The following CD163 variants were observed in gnomAD, a reference collection of about 807,000 sequenced individuals.
CD163 encodes CD163 molecule, also known as scavenger receptor cysteine-rich type 1 protein M130.
A neutral mutation model predicts 129.2 loss-of-function variants in CD163; 64 were observed. That is an observed-to-expected ratio of 0.50 (90% CI 0.41 to 0.61). CD163 has a LOEUF of 0.61. CD163 is among the 20% of genes least tolerant of loss of function. CD163 has a pLI of 0.00. For synonymous variants in CD163, 446 were observed against 478.5 expected (o/e 0.93, Z 0.89); for missense variants, 1,061 against 1,377.9 (o/e 0.77, Z 3.64).
chr12:7,486,418 C>A, intron 10 of CD163, 81 bp downstream of exon 10: 1 of 1,353,622 alleles, frequency 7.4e-7, no homozygotes, highest in Non-Finnish European at 1.0e-6. Context: ...TCAGGAAAAT[C>A]TTTAAGATTA....
intron 1 of CD163, 57 bp from the exon 2 acceptor site, chr12:7,502,621 AG>A: frequency 1.1e-6 from 1 of 887,674 alleles, no homozygotes; most frequent in Non-Finnish European, 1.8e-6. Context: ...ACTTTGGAGA[AG>A]ATAGATGGTT....
At chr12:7,488,121 T>C (rs1949282388) in intron 6 of CD163, 34 bp from the exon 7 acceptor site, 1 of 1,536,220 alleles carries the variant, frequency 6.5e-7, no homozygotes, top group African/African-American at 1.4e-5. Flanking sequence ...TGAGAGGTAA[T>C]ATGATTTCCA....
At chr12:7,482,555 T>C (rs1255016063) in intron 14 of CD163, 88 bp downstream of exon 14, 7 of 1,411,708 alleles carry the variant, frequency 5.0e-6, no homozygotes, top group Non-Finnish European at 6.8e-6. Flanking sequence ...TCCATCTTTC[T>C]GGCCATTAGA....
intron 10 of CD163, 67 bp downstream of exon 10, chr12:7,486,432 C>T: frequency 1.4e-6 from 2 of 1,394,996 alleles, no homozygotes; most frequent in South Asian, 1.3e-5. Context: ...AAGATTAATA[C>T]CCCTCACTAC....
At chr12:7,502,412 G>C (rs772977106) in intron 2 of CD163, 66 bp downstream of exon 2, 1 of 1,004,260 alleles carries the variant, frequency 1.0e-6, no homozygotes, top group African/African-American at 1.6e-5. Context: ...CAGAAAAATT[G>C]TTTGCCTTTT....
At chr12:7,475,288 A>C (rs1038649258) in intron 16 of CD163, among the ~76,000 whole-genome samples, 6 of 152,106 alleles carry the variant, frequency 3.9e-5, no homozygotes, top group Non-Finnish European at 8.8e-5. Context: ...ACAACAAAGA[A>C]AAGAAAATTC....
chr12:7,494,962 A>G, intron 6 of CD163, 119 bp downstream of exon 6: 1 of 749,312 alleles, frequency 1.3e-6, no homozygotes, highest in Non-Finnish European at 2.3e-6. Flanking sequence ...GAATTTGTGT[A>G]GATATTTCCT....
chr12:7,486,172 A>G (rs1197491776), intron 10 of CD163, among the ~76,000 whole-genome samples: 1 of 152,142 alleles, frequency 6.6e-6, no homozygotes, highest in Non-Finnish European at 1.5e-5. Flanking sequence ...CTACTTCTTT[A>G]CTAATACTGT....
At position 7,486,588 on chromosome 12, in the gene CD163, C is replaced by G; in HGVS notation, c.2369G>C (p.Gly790Ala). The G allele has an allele frequency of 1.2e-6, 2 of 1,614,232 alleles. No homozygotes were observed. Among genetic ancestry groups the G allele is most frequent in the Non-Finnish European group, 1.7e-6 (2 of 1,180,030 alleles). Residue 790 changes from glycine (G) to alanine (A), a missense_variant, in exon 10 of 17, where the codon GGA (glycine) becomes GCA (alanine). By Grantham distance (60) the Gly-to-Ala change is moderately conservative. Coordinates refer to ENST00000432237, the MANE Select transcript of CD163 (RefSeq NM_203416.4). The part of the protein sequence containing the change: ...PIWLDEMKCN[G>A]KESRIWQCHS... Reference sequence around the variant, plus strand: ...GCACTGCCAAATGCGGGATTCTTTTCCATTGCATTTCATCTCATCCAGCCA... The same window carrying G: ...GCACTGCCAAATGCGGGATTCTTTTGCATTGCATTTCATCTCATCCAGCCA...
Position 7,487,075 on chromosome 12 carries a change from T to C in CD163, c.2051-89A>G. ...TATATGGATGAGTTGAGGACAAACA[T>C]AGCTTAGAGAGAGAGGGGAAGGTGG... On this transcript the variant is annotated intron_variant, in intron 8 of 16. Transcript: ENST00000432237. This position sits in a 1 kb window ranked among gnomAD's most constrained non-coding sequence, Gnocchi z 5.1. 2 of 1,028,802 alleles carry C rather than the reference T, an allele frequency of 1.9e-6. No individual in the cohort carries two copies. Among genetic ancestry groups the C allele is most frequent in the Non-Finnish European group, 2.9e-6 (2 of 680,882 alleles). 63.7% of individuals were successfully genotyped at this position (1,028,802 alleles called of 1,614,324 possible).
At position 7,486,483 on chromosome 12, in the gene CD163, C is replaced by T. The variant is rs752016898; in HGVS notation, c.2458+16G>A. 1.9e-6 allele frequency: 3 copies of T among 1,605,652 alleles called. No individual in the cohort carries two copies. The highest frequency in any genetic ancestry group is 3.3e-5 in the Admixed American group (2 of 59,776). On this transcript the variant is annotated intron_variant, in intron 10 of 16. Transcript: ENST00000432237. The stretch of plus-strand genomic sequence containing the variant: ...TCTCTATGTAATTATGACCAAAGGT[C>T]ATATGCATAATTTACCTGAGCAGAT...
At position 7,487,586 on chromosome 12, in the gene CD163, C is replaced by T; in HGVS notation, c.1823G>A (p.Cys608Tyr). The T allele has an allele frequency of 6.2e-7, 1 of 1,614,132 alleles. No individual in the cohort carries two copies. The highest frequency in any genetic ancestry group is 8.5e-7 in the Non-Finnish European group (1 of 1,180,006). Reference protein sequence around the residue: ...LKTLGAWGSLCNSHWDIEDAH... With the variant: ...LKTLGAWGSLYNSHWDIEDAH... Reference sequence around the variant, plus strand: ...ATCTTCTATGTCCCAGTGAGAGTTACAGAGGGATCCCCAGGCACCAAGCGT... The same window carrying T: ...ATCTTCTATGTCCCAGTGAGAGTTATAGAGGGATCCCCAGGCACCAAGCGT... The change falls in exon 8 of 17, where the codon TGT (cysteine) becomes TAT (tyrosine). Residue 608 changes from cysteine to tyrosine, a missense_variant. Transcript: ENST00000432237. The surrounding 1 kb of genome is among the most constrained non-coding windows in gnomAD (Gnocchi z 5.1).
rs1949194990 is a variant in CD163 at position 7,483,623 on chromosome 12, G to T, written c.2832C>A (p.Ile944=). ...GPTSCSGRVE[I]WHGGSWGTVC... ...CTGTCCCCCAGGAACCTCCATGCCA[G>T]ATCTCCACACGTCCAGAACAGGAAG... Residue 944 remains isoleucine, a synonymous_variant, in exon 12 of 17, where the codon ATC becomes ATA. Coordinates refer to ENST00000432237, the MANE Select transcript of CD163 (RefSeq NM_203416.4). The T allele has an allele frequency of 1.2e-6, 2 of 1,613,566 alleles. No individual in the cohort carries two copies. Among genetic ancestry groups the T allele is most frequent in the African/African-American group, 2.7e-5 (2 of 74,784 alleles).
At chr12:7,483,731 T>C (rs1280404617) in intron 11 of CD163, 56 bp from the exon 12 acceptor site, 2 of 1,230,806 alleles carry the variant, frequency 1.6e-6, no homozygotes, top group Non-Finnish European at 2.2e-6. Flanking sequence ...TTTCCAGGAG[T>C]TCACAGGTGA....
chr12:7,494,224 A>T lies in CD163; in HGVS notation c.1420+857T>A, dbSNP rs143144849. Among the ~76,000 whole-genome samples the T allele has an allele frequency of 1.1e-4, 16 of 152,308 alleles. No homozygotes were observed. The East Asian group carries it at 2.9e-3, about 28-fold the overall frequency. ...TACACTTTTTTATTTTGAAGTTTAA[A>T]CCATGTGATTATATTGCCTGGTCCA... is the stretch of plus-strand genomic sequence containing the variant. On this transcript the variant is annotated intron_variant, in intron 6 of 16. Coordinates refer to ENST00000432237, the MANE Select transcript of CD163 (RefSeq NM_203416.4).
At chr12:7,475,097 C>CAAAAAAAA (rs58901449) in intron 16 of CD163, among the ~76,000 whole-genome samples, 1 of 94,018 alleles carries the variant, frequency 1.1e-5, no homozygotes, top group African/African-American at 4.5e-5. Context: ...GCCTACCAAC[C>CAAAAAAAA]AAAAAAAAAA....
intron 6 of CD163, among the ~76,000 whole-genome samples, chr12:7,489,639 TA>T (rs761527711): frequency 9.1e-4 from 138 of 152,208 alleles, no homozygotes; most frequent in Non-Finnish European, 1.4e-3. Flanking sequence ...TAGATAATAC[TA>T]AAAATAATAA....
intron 16 of CD163, among the ~76,000 whole-genome samples, chr12:7,478,891 T>C (rs1248565158): frequency 6.6e-6 from 1 of 152,124 alleles, no homozygotes; most frequent in African/African-American, 2.4e-5. Flanking sequence ...CAAATTATTA[T>C]TTTAAAAACA....
In CD163 at chr12:7,483,618, T is replaced by A. The variant is rs745473362; in HGVS notation, c.2837A>T (p.His946Leu). The A allele has an allele frequency of 9.3e-6, 15 of 1,613,262 alleles. No homozygotes were observed. In the Admixed American group the frequency reaches 1.3e-4, roughly 14 times the overall value. ...TSCSGRVEIWHGGSWGTVCDD... is the reference protein window; with the variant it reads ...TSCSGRVEIWLGGSWGTVCDD... ...ACACACTGTCCCCCAGGAACCTCCA[T>A]GCCAGATCTCCACACGTCCAGAACA... The change falls in exon 12 of 17, where the codon CAT (histidine) becomes CTT (leucine). Residue 946 changes from histidine (H) to leucine (L), a missense_variant. Coordinates refer to ENST00000432237, the MANE Select transcript of CD163 (RefSeq NM_203416.4).
Sources: allele counts gnomAD v4.1 joint callset (sites outside exome capture counted in the v4.1 genomes callset), GRCh38; gene constraint gnomAD v4.1.1; non-coding constraint Gnocchi (gnomAD v3.1); transcripts MANE v1.5; gene names NCBI Gene and HGNC (gene_info 2026-07-23, HGNC 2026-07-21).